The following DCDC2 variants were observed in gnomAD, a reference collection of about 807,000 sequenced individuals.
The protein encoded by DCDC2 is doublecortin domain containing 2, also known as doublecortin domain-containing protein 2.
Under a neutral mutation model 50.2 loss-of-function variants are expected in DCDC2, and 40 were observed. The observed-to-expected ratio is 0.80, with a 90% CI of 0.62 to 1.04. The LOEUF is 1.04. DCDC2 is among the 50% of genes least tolerant of loss of function. DCDC2 has a pLI of 0.00. For synonymous variants in DCDC2, 234 were observed against 210.6 expected, an observed-to-expected ratio of 1.11 and a Z score of -0.96; for missense variants, 570 against 581.9, an observed-to-expected ratio of 0.98 and a Z score of 0.21.
At chr6:24,356,307 T>C (rs193171301) in intron 1 of DCDC2, among the ~76,000 whole-genome samples, 14 of 152,292 alleles carry the variant, frequency 9.2e-5, no homozygotes, top group Admixed American at 3.3e-4. Flanking sequence ...AAGCCAGACA[T>C]AAAGACCATA....
the DCDC2 span, among the ~76,000 whole-genome samples, chr6:24,374,093 C>T: frequency 0.23 from 32,986 of 144,836 alleles, 4,828 homozygotes; most frequent in Non-Finnish European, 0.33. Flanking sequence ...ACCCAGGAGG[C>T]GGAGCTTGCA....
At chr6:24,263,425 C>T (rs1028831118) in intron 7 of DCDC2, among the ~76,000 whole-genome samples, 11 of 152,070 alleles carry the variant, frequency 7.2e-5, no homozygotes, top group African/African-American at 2.7e-4. Flanking sequence ...CAGAGTGATA[C>T]AGATACTTGA....
chr6:24,205,605 T>A (rs1157818684), intron 7 of DCDC2, among the ~76,000 whole-genome samples: 1 of 152,202 alleles, frequency 6.6e-6, no homozygotes, highest in African/African-American at 2.4e-5. Flanking sequence ...TAGAGTTGAC[T>A]TTCCATATCT....
intron 7 of DCDC2, among the ~76,000 whole-genome samples, chr6:24,209,406 A>G (rs1761806929): frequency 6.6e-6 from 1 of 152,194 alleles, no homozygotes; most frequent in Admixed American, 6.5e-5. Context: ...ACCACGACTC[A>G]TGAAGGGTGA....
chr6:24,221,168 C>T (rs1343736553), intron 7 of DCDC2, among the ~76,000 whole-genome samples: 1 of 152,096 alleles, frequency 6.6e-6, no homozygotes, highest in Non-Finnish European at 1.5e-5. Context: ...AAGAGGGCAC[C>T]TTGATTACCT....
intron 8 of DCDC2, among the ~76,000 whole-genome samples, chr6:24,181,603 A>C (rs10806984): frequency 0.35 from 53,625 of 152,150 alleles, 9,726 homozygotes; most frequent in East Asian, 0.6. Context: ...AAAAGGAATA[A>C]AACACTTAGG....
chr6:24,293,772 A>T lies in DCDC2; in HGVS notation c.558-2694T>A, dbSNP rs190039926. 6.2e-3 allele frequency among the ~76,000 whole-genome samples: 938 copies of T among 152,350 alleles called. 4 individuals are homozygous for T. Among genetic ancestry groups the T allele is most frequent in the Non-Finnish European group, 0.01 (691 of 68,030 alleles). On this transcript the variant is annotated intron_variant, in intron 4 of 9. Coordinates refer to ENST00000378454, the MANE Select transcript of DCDC2 (RefSeq NM_016356.5). ...GGCACATACCCTAAAATTAACCACA[A>T]AACCAAACATAAAACAATCCTCAGA... is the stretch of plus-strand genomic sequence containing the variant.
intron 2 of DCDC2, among the ~76,000 whole-genome samples, chr6:24,317,790 T>C (rs1759698973): frequency 6.8e-6 from 1 of 146,214 alleles, no homozygotes; most frequent in Non-Finnish European, 1.5e-5. Context: ...GAACTCTTTA[T>C]ACAAATAAAA....
At chr6:24,176,143 T>C (rs961697543) in intron 9 of DCDC2, among the ~76,000 whole-genome samples, 1 of 151,806 alleles carries the variant, frequency 6.6e-6, no homozygotes, top group African/African-American at 2.4e-5. Context: ...TTAAAAAATA[T>C]GTATATATGG....
At chr6:24,276,024 T>C (rs1019257636) in intron 7 of DCDC2, among the ~76,000 whole-genome samples, 1 of 151,850 alleles carries the variant, frequency 6.6e-6, no homozygotes, top group African/African-American at 2.4e-5. Flanking sequence ...TGCATGCCAC[T>C]GTGCCCCACT....
the DCDC2 span, among the ~76,000 whole-genome samples, chr6:24,374,186 G>A: frequency 1.3e-4 from 19 of 150,966 alleles, no homozygotes; most frequent in Admixed American, 5.9e-4. Flanking sequence ...AAAGGAAGGA[G>A]AGGAAGAAGG....
At chr6:24,215,444 CAG>C in intron 7 of DCDC2, among the ~76,000 whole-genome samples, 1 of 152,202 alleles carries the variant, frequency 6.6e-6, no homozygotes, top group South Asian at 2.1e-4. Flanking sequence ...GTCCTGGAAA[CAG>C]AGTTGCCTGG....
At chr6:24,196,346 C>T (rs548530712) in intron 8 of DCDC2, among the ~76,000 whole-genome samples, 1 of 152,240 alleles carries the variant, frequency 6.6e-6, no homozygotes, top group Non-Finnish European at 1.5e-5. Flanking sequence ...AATTTCACCT[C>T]ATGAGCTCAC....
At chr6:24,345,414 C>T (rs761212089) in intron 2 of DCDC2, among the ~76,000 whole-genome samples, 1 of 152,126 alleles carries the variant, frequency 6.6e-6, no homozygotes, top group Non-Finnish European at 1.5e-5. Context: ...AAGTACAACC[C>T]GGGTTCCCAC....
At chr6:24,289,968 C>CTTTTTTTTTTTTTT (rs1561760462) in intron 5 of DCDC2, among the ~76,000 whole-genome samples, 1 of 100,814 alleles carries the variant, frequency 9.9e-6, no homozygotes, top group Non-Finnish European at 2.0e-5. Context: ...GGCCAGAGCT[C>CTTTTTTTTTTTTTT]TTCTTTTTTT....
rs1201920077 is a variant in DCDC2, at chr6:24,345,449, T to C, written c.348+8120A>G. On this transcript the variant is annotated intron_variant, in intron 2 of 9. Coordinates refer to ENST00000378454, the MANE Select transcript of DCDC2 (RefSeq NM_016356.5). Reference sequence around the variant, plus strand: ...CAAACTTTTCAGCAAGGCAAAGTTTTGCAGTTTCACTCTCTTCCTTTCTCT... The same window carrying C: ...CAAACTTTTCAGCAAGGCAAAGTTTCGCAGTTTCACTCTCTTCCTTTCTCT... Among the ~76,000 whole-genome samples the C allele has an allele frequency of 3.3e-5, 5 of 152,314 alleles. No homozygotes were observed. The South Asian group carries it at 1.0e-3, about 32-fold the overall frequency.
At chr6:24,208,923 TA>T (rs1380216884) in intron 7 of DCDC2, among the ~76,000 whole-genome samples, 1 of 152,248 alleles carries the variant, frequency 6.6e-6, no homozygotes, top group African/African-American at 2.4e-5. Flanking sequence ...GTATTATTTG[TA>T]ATACAATCTG....
rs150439670 is a variant in DCDC2, at chr6:24,307,761, C to CT, written c.349-5718dup. ...GAAAAAGATTTTTTAAAGAATCATT[C>CT]TTTTTTTTTTTCAGTATCACTATTT... On this transcript the variant is annotated intron_variant, in intron 2 of 9. Coordinates refer to ENST00000378454, the MANE Select transcript of DCDC2 (RefSeq NM_016356.5). Among the ~76,000 whole-genome samples, 1,072 of 146,368 alleles carry CT rather than the reference C, an allele frequency of 7.3e-3. 6 individuals carry two copies. Among genetic ancestry groups the CT allele is most frequent in the African/African-American group, 0.024 (971 of 40,338 alleles).
At position 24,248,098 on chromosome 6, in the gene DCDC2, T is replaced by TA. The variant is rs566186342; in HGVS notation, c.922+29950dup. On this transcript the variant is annotated intron_variant, in intron 7 of 9. Transcript: ENST00000378454. Reference sequence around the variant, plus strand: ...TCTCAAAAATATTAAAAAACAAAAATAAAAAAAGAATGTTCTAACGTTCTT... The same window carrying TA: ...TCTCAAAAATATTAAAAAACAAAAATAAAAAAAAGAATGTTCTAACGTTCTT... 2.5e-3 allele frequency among the ~76,000 whole-genome samples: 381 copies of TA among 152,030 alleles called. 1 individual carries two copies. The highest frequency in any genetic ancestry group is 7.2e-3 in the African/African-American group (297 of 41,462).
Sources: gnomAD v4.1 joint callset for allele counts (sites outside exome capture counted in the v4.1 genomes callset) on GRCh38, gnomAD v4.1.1 for gene constraint, MANE v1.5 for transcripts, NCBI Gene and HGNC (gene_info 2026-07-23, HGNC 2026-07-21) for gene names.